TCF20: variants seen among roughly 807,000 people sequenced by gnomAD.
The protein encoded by TCF20 is SPRE-binding protein.
TCF20 carries 3 observed loss-of-function variants against 148.6 expected under a neutral mutation model. That is an observed-to-expected ratio of 0.02 (90% CI 0.01 to 0.05). The LOEUF (loss-of-function observed/expected upper bound fraction) is 0.05. TCF20 is among the 10% of genes least tolerant of loss of function. The probability of loss-of-function intolerance (pLI) is 1.00; values close to 1 mark genes in which losing one functional copy is unlikely to be tolerated. For synonymous variants in TCF20, 1,049 were observed against 909.5 expected, an observed-to-expected ratio of 1.15 and a Z score of -2.76; for missense variants, 2,350 against 2,429.3, an observed-to-expected ratio of 0.97 and a Z score of 0.69.
intron 3 of TCF20, among the ~76,000 whole-genome samples, chr22:42,178,514 G>C (rs1387089463): frequency 6.8e-6 from 1 of 147,012 alleles, no homozygotes; most frequent in Non-Finnish European, 1.5e-5. Context: ...ATCAAGAAAA[G>C]AAAGTAAAAA....
intron 1 of TCF20, among the ~76,000 whole-genome samples, chr22:42,330,991 C>A (rs1927964178): frequency 6.6e-6 from 1 of 152,244 alleles, no homozygotes. Flanking sequence ...GGGCCGCCAC[C>A]CCCTGCCCCT....
At chr22:42,178,527 C>A (rs1467887251) in intron 3 of TCF20, among the ~76,000 whole-genome samples, 1 of 150,166 alleles carries the variant, frequency 6.7e-6, no homozygotes, top group East Asian at 2.0e-4. Context: ...AGTAAAAAGA[C>A]AACTCAGAGA....
At chr22:42,178,902 A>G (rs779955382) in intron 3 of TCF20, among the ~76,000 whole-genome samples, 2 of 152,154 alleles carry the variant, frequency 1.3e-5, no homozygotes, top group Non-Finnish European at 2.9e-5. Context: ...AAAGGATGTG[A>G]ATAGCTATTT....
chr22:42,249,971 T>C (rs1049013018), intron 1 of TCF20, among the ~76,000 whole-genome samples: 5 of 152,114 alleles, frequency 3.3e-5, no homozygotes, highest in East Asian at 1.9e-4. Flanking sequence ...CATCAAAACG[T>C]AGAAGCCAGG....
chr22:42,291,680 G>A lies in TCF20; in HGVS notation c.-37+51799C>T, dbSNP rs575175804. ...GAGAGGGGAACAGATGGGGTGCTGG[G>A]CAGGACTGCTGTGGATCCAGGTGGA... On this transcript the variant is annotated intron_variant, in intron 1 of 1. Coordinates refer to the TCF20 transcript ENST00000515426. Among the ~76,000 whole-genome samples the A allele has an allele frequency of 2.0e-4, 31 of 152,208 alleles. No homozygotes were observed. The South Asian group carries it at 6.4e-3, about 32-fold the overall frequency.
At position 42,299,812 on chromosome 22, in the gene TCF20, G is replaced by C. The variant is rs1421720920; in HGVS notation, c.-37+43667C>G. Among the ~76,000 whole-genome samples the C allele has an allele frequency of 6.6e-6, 1 of 151,922 alleles. No homozygotes were observed. Among genetic ancestry groups the C allele is most frequent in the Non-Finnish European group, 1.5e-5 (1 of 67,974 alleles). ...CAGAGGAGGAGGAAGTGGTGGGGAT[G>C]GGGGAGGGGAAGAGAGAAGGGGGAG... On this transcript the variant is annotated intron_variant, in intron 1 of 1. Coordinates refer to the TCF20 transcript ENST00000515426. This position sits in a 1 kb window ranked among gnomAD's most constrained non-coding sequence, Gnocchi z 4.1.
chr22:42,335,934 G>T (rs557030404), intron 1 of TCF20, among the ~76,000 whole-genome samples: 29 of 152,268 alleles, frequency 1.9e-4, no homozygotes, highest in Middle Eastern at 3.4e-3. Context: ...AAATCTGGGG[G>T]CCAGCCATCA....
upstream of TCF20, among the ~76,000 whole-genome samples, chr22:42,273,057 G>A (rs1188373550): frequency 6.6e-6 from 1 of 151,868 alleles, no homozygotes; most frequent in Non-Finnish European, 1.5e-5. Context: ...AGGTGTTGTG[G>A]GACTCTCAAG....
intron 2 of TCF20, 39 bp from the exon 3 acceptor site, chr22:42,179,741 G>C (rs752050991): frequency 4.1e-6 from 6 of 1,451,232 alleles, no homozygotes; most frequent in African/African-American, 1.4e-5. Context: ...CAGTATCCCA[G>C]ATTTGGCCCT....
intron 5 of TCF20, among the ~76,000 whole-genome samples, chr22:42,163,018 T>A (rs1296820797): frequency 6.6e-6 from 1 of 152,172 alleles, no homozygotes; most frequent in Non-Finnish European, 1.5e-5. Context: ...CAGAAGGGTG[T>A]CATCTTGTTG....
intron 1 of TCF20, among the ~76,000 whole-genome samples, chr22:42,336,906 C>T (rs1399533183): frequency 6.6e-6 from 1 of 152,206 alleles, no homozygotes; most frequent in African/African-American, 2.4e-5. Context: ...CCACCCTGAT[C>T]ATCACCACAC....
intron 1 of TCF20, among the ~76,000 whole-genome samples, chr22:42,233,222 G>T (rs1452653718): frequency 3.9e-5 from 6 of 152,072 alleles, no homozygotes; most frequent in Non-Finnish European, 5.9e-5. Context: ...ACACCCAGCT[G>T]CAATGCAATA....
intron 1 of TCF20, among the ~76,000 whole-genome samples, chr22:42,254,809 A>G (rs964615308): frequency 3.3e-5 from 5 of 152,138 alleles, no homozygotes; most frequent in African/African-American, 1.2e-4. Flanking sequence ...TACTAAAAAT[A>G]CAAAAATTAG....
In TCF20 at chr22:42,297,932, G is replaced by A. The variant is rs1411608748; in HGVS notation, c.-37+45547C>T. On this transcript the variant is annotated intron_variant, in intron 1 of 1. Transcript: ENST00000515426. This position sits in a 1 kb window ranked among gnomAD's most constrained non-coding sequence, Gnocchi z 4.3. Reference sequence around the variant, plus strand: ...AAGGATGAACATGTGCTGGTTTCAGGGCTGGGCCTGGGGGTGCAAAGGTGA... The same window carrying A: ...AAGGATGAACATGTGCTGGTTTCAGAGCTGGGCCTGGGGGTGCAAAGGTGA... Among the ~76,000 whole-genome samples, 1 of 152,118 alleles carries A rather than the reference G, an allele frequency of 6.6e-6. No individual in the cohort carries two copies. The highest frequency in any genetic ancestry group is 2.4e-5 in the African/African-American group (1 of 41,406).
intron 5 of TCF20, among the ~76,000 whole-genome samples, chr22:42,163,621 T>C (rs1935596766): frequency 6.6e-6 from 1 of 152,190 alleles, no homozygotes; most frequent in African/African-American, 2.4e-5. Flanking sequence ...CAAAGCGACG[T>C]GGCCAGAGGT....
chr22:42,187,435 A>C (rs1466709828), intron 2 of TCF20, among the ~76,000 whole-genome samples: 3 of 152,166 alleles, frequency 2.0e-5, no homozygotes, highest in Non-Finnish European at 2.9e-5. Flanking sequence ...AAACCTTTCA[A>C]GTCAAATTAT....
At chr22:42,207,975 G>A (rs1405377432) in intron 2 of TCF20, among the ~76,000 whole-genome samples, 1 of 152,220 alleles carries the variant, frequency 6.6e-6, no homozygotes, top group Non-Finnish European at 1.5e-5. Context: ...GATTGCTTAA[G>A]CTCAGGTGGT....
intron 2 of TCF20, among the ~76,000 whole-genome samples, chr22:42,181,373 G>A (rs1258764001): frequency 6.6e-6 from 1 of 151,936 alleles, no homozygotes; most frequent in Non-Finnish European, 1.5e-5. Flanking sequence ...TAGTAGAGAT[G>A]GGGTTTTGCA....
intron 2 of TCF20, among the ~76,000 whole-genome samples, chr22:42,208,031 A>T (rs141172914): frequency 1.3e-3 from 201 of 152,300 alleles, no homozygotes; most frequent in African/African-American, 4.5e-3. Flanking sequence ...GTCTCTACAA[A>T]AAGTAAAAAA....
Sources: allele counts gnomAD v4.1 joint callset (sites outside exome capture counted in the v4.1 genomes callset), GRCh38; gene constraint gnomAD v4.1.1; non-coding constraint Gnocchi (gnomAD v3.1); transcripts MANE v1.5; gene names NCBI Gene and HGNC (gene_info 2026-07-23, HGNC 2026-07-21).